AGO1: variants seen among roughly 807,000 people sequenced by gnomAD.
AGO1 encodes the protein argonaute RISC component 1.
A neutral mutation model predicts 109.2 loss-of-function variants in AGO1; 11 were observed. The observed-to-expected ratio is 0.10, with a 90% confidence interval of 0.06 to 0.17. AGO1 has a LOEUF of 0.17. Among genes scored for constraint, AGO1 ranks in the 10% least tolerant of loss-of-function variants. AGO1 has a pLI of 1.00. For missense variants in AGO1, 574 were observed against 1,140.3 expected (o/e 0.50, Z 7.15); for synonymous variants, 422 against 418.6 (o/e 1.01, Z -0.10).
At chr1:35,882,229 G>C (rs1645044390), upstream of AGO1, among the ~76,000 whole-genome samples, 1 of 152,194 alleles carries the variant, frequency 6.6e-6, no homozygotes, top group Non-Finnish European at 1.5e-5. The surrounding 1 kb of genome is among the most constrained non-coding windows in gnomAD (Gnocchi z 5.1). Context: ...ACTTGGAAAT[G>C]TGAGTATGAG....
intron 1 of AGO1, among the ~76,000 whole-genome samples, chr1:35,872,713 A>G (rs1027454301): frequency 9.9e-5 from 15 of 151,980 alleles, no homozygotes; most frequent in African/African-American, 2.9e-4. Context: ...CTAGGACTAC[A>G]GTGATGTACC....
intron 1 of AGO1, among the ~76,000 whole-genome samples, chr1:35,886,638 G>A (rs907594062): frequency 2.0e-5 from 3 of 152,128 alleles, no homozygotes; most frequent in Admixed American, 2.0e-4. Flanking sequence ...ATAAGAACTT[G>A]GGGAGGGAAA....
chr1:35,913,856 G>A lies in AGO1; in HGVS notation c.1597G>A (p.Val533Ile), dbSNP rs1645686189. The A allele has an allele frequency of 6.2e-7, 1 of 1,613,808 alleles. No individual in the cohort carries two copies. The highest frequency in any genetic ancestry group is 1.3e-5 in the African/African-American group (1 of 74,818). Residue 533 changes from valine to isoleucine, a missense_variant, in exon 13 of 19, where the codon GTC (valine) becomes ATC (isoleucine). Transcript: ENST00000373204. The stretch of plus-strand genomic sequence containing the variant: ...CCTGCCCTTAGCTGAGGTGAAACGT[G>A]TCGGAGATACACTCTTGGGAATGGC... Reference protein sequence around the residue: ...KTPVYAEVKRVGDTLLGMATQ... With the variant: ...KTPVYAEVKRIGDTLLGMATQ...
chr1:35,924,617 G>A lies in AGO1; in HGVS notation c.*5010G>A, dbSNP rs527401943. The A allele has an allele frequency of 1.3e-5, 2 of 152,152 alleles. No individual in the cohort carries two copies. Among genetic ancestry groups the A allele is most frequent in the African/African-American group, 4.8e-5 (2 of 41,418 alleles). The allele number at this position is 152,152 out of a possible 1,614,324, so 9.4% of individuals were successfully genotyped here. The stretch of plus-strand genomic sequence containing the variant: ...GGGAGTGGAATAAGGCTACAACAAC[G>A]AATATAGGGAGGAAGGGACAGATTT... On this transcript the variant is annotated 3_prime_UTR_variant, in exon 19 of 19. Transcript: ENST00000373204.
intron 8 of AGO1, among the ~76,000 whole-genome samples, chr1:35,899,364 T>C (rs577010816): frequency 1.3e-5 from 2 of 152,352 alleles, no homozygotes; most frequent in South Asian, 2.1e-4. Context: ...TGTAAAAATA[T>C]TTGTTGAAGT....
intron 8 of AGO1, among the ~76,000 whole-genome samples, chr1:35,900,625 G>A (rs768700130): frequency 6.6e-6 from 1 of 152,176 alleles, no homozygotes; most frequent in African/African-American, 2.4e-5. Context: ...TACTTGGAAC[G>A]CTGAGGCAGG....
intron 2 of AGO1, among the ~76,000 whole-genome samples, chr1:35,889,350 C>T (rs1645176140): frequency 1.3e-5 from 2 of 151,612 alleles, no homozygotes; most frequent in Non-Finnish European, 2.9e-5. Flanking sequence ...ACTGGGATTA[C>T]AGGCATCTGC....
At chr1:35,915,877 T>G (rs940911888) in intron 15 of AGO1, among the ~76,000 whole-genome samples, 2 of 152,254 alleles carry the variant, frequency 1.3e-5, no homozygotes, top group African/African-American at 4.8e-5. Context: ...CCCTTAGAGT[T>G]TCTGATTCAG....
chr1:35,902,484 A>G (rs1645435592), intron 11 of AGO1, 147 bp downstream of exon 11: 3 of 1,127,766 alleles, frequency 2.7e-6, no homozygotes, highest in Non-Finnish European at 3.5e-6. Flanking sequence ...AACTTCTACC[A>G]ATTCTTTTTC....
In AGO1 at chr1:35,915,408, C is replaced by T. The variant is rs1177037855; in HGVS notation, c.1894C>T (p.Pro632Ser). 1 of 1,613,990 alleles carries T rather than the reference C, an allele frequency of 6.2e-7. No individual in the cohort carries two copies. ...CTGTGCTACTGTGCGGGTACAGCGA[C>T]CACGGCAAGAGATCATTGAAGACTT... ...RYCATVRVQR[P>S]RQEIIEDLSY... Residue 632 changes from proline (P) to serine (S), a missense_variant, in exon 15 of 19, where the codon CCA (proline) becomes TCA (serine). Around this residue, in one of 8 missense-constraint regions of AGO1, gnomAD observed 68 missense variants for 200.2 expected, o/e 0.34. Coordinates refer to ENST00000373204, the MANE Select transcript of AGO1 (RefSeq NM_012199.5).
At chr1:35,889,917 G>C (rs1254858942) in intron 2 of AGO1, among the ~76,000 whole-genome samples, 1 of 152,074 alleles carries the variant, frequency 6.6e-6, no homozygotes. Flanking sequence ...GTTTCACCAT[G>C]TTGACCAGGC....
At chr1:35,890,523 T>C (rs984609359) in intron 2 of AGO1, among the ~76,000 whole-genome samples, 1 of 152,218 alleles carries the variant, frequency 6.6e-6, no homozygotes, top group Non-Finnish European at 1.5e-5. Flanking sequence ...TTTGCATAGG[T>C]TGAGTGGCTG....
chr1:35,878,431 T>C (rs954724689), upstream of AGO1, among the ~76,000 whole-genome samples: 3 of 152,260 alleles, frequency 2.0e-5, no homozygotes, highest in African/African-American at 7.2e-5. Context: ...TAAAATTACA[T>C]ATTTAGCTCA....
At position 35,919,008 on chromosome 1, in the gene AGO1, C is replaced by T. The variant is rs1334277619; in HGVS notation, c.2266-47C>T. ...GTGATCCTGTTCCCCTATTATCAGC[C>T]ATCTTCTCTGCCCAGCCTGGGACCC... On this transcript the variant is annotated intron_variant, in intron 17 of 18. Coordinates refer to ENST00000373204, the MANE Select transcript of AGO1 (RefSeq NM_012199.5). This position sits in a 1 kb window ranked among gnomAD's most constrained non-coding sequence, Gnocchi z 6.6. 1 of 1,545,002 alleles carries T rather than the reference C, an allele frequency of 6.5e-7. No individual in the cohort carries two copies. The highest frequency in any genetic ancestry group is 1.4e-5 in the African/African-American group (1 of 73,652).
At chr1:35,902,998 TC>T (rs139885079) in intron 11 of AGO1, among the ~76,000 whole-genome samples, 1 of 145,056 alleles carries the variant, frequency 6.9e-6, no homozygotes, top group African/African-American at 2.6e-5. Context: ...TCACCTGGAG[TC>T]TTTTTTTTTT....
chr1:35,922,705 C>G lies in AGO1; in HGVS notation c.*3098C>G, dbSNP rs1224797571. The G allele has an allele frequency of 6.6e-6, 1 of 152,428 alleles. No homozygotes were observed. Among genetic ancestry groups the G allele is most frequent in the Non-Finnish European group, 1.5e-5 (1 of 68,236 alleles). The allele number at this position is 152,428 out of a possible 1,614,324, so 9.4% of individuals were successfully genotyped here. A position where few individuals can be genotyped will look rare whatever the true frequency, so the allele number is the denominator to read the frequency against. ...TTAGCTGGCAGGGTCAGGCTTAGCTCCTTGACTGCAGAAGACCAAGAACCT... is the reference window on the plus strand; with the variant it reads ...TTAGCTGGCAGGGTCAGGCTTAGCTGCTTGACTGCAGAAGACCAAGAACCT... On this transcript the variant is annotated 3_prime_UTR_variant, in exon 19 of 19. Transcript: ENST00000373204.
chr1:35,899,294 T>A (rs1448342684), intron 8 of AGO1, among the ~76,000 whole-genome samples: 1 of 152,250 alleles, frequency 6.6e-6, no homozygotes, highest in Admixed American at 6.5e-5. Flanking sequence ...CATCTATCCA[T>A]GGATACTTGG....
In AGO1 at chr1:35,917,449, T is replaced by C. The variant is rs1645753792; in HGVS notation, c.2029-144T>C. 4.3e-6 allele frequency: 4 copies of C among 924,250 alleles called. 1 individual carries two copies. The South Asian group carries it at 8.6e-5, about 20-fold the overall frequency. 57.3% of individuals were successfully genotyped at this position (924,250 alleles called of 1,614,324 possible). A position where few individuals can be genotyped will look rare whatever the true frequency, so the allele number is the denominator to read the frequency against. On this transcript the variant is annotated intron_variant, in intron 15 of 18. Coordinates refer to ENST00000373204, the MANE Select transcript of AGO1 (RefSeq NM_012199.5). ...TGCTTTTGACAAGAAGGGCCTGTCATCTCTAATTGTTGAGCATCAGCATAT... is the reference window on the plus strand; with the variant it reads ...TGCTTTTGACAAGAAGGGCCTGTCACCTCTAATTGTTGAGCATCAGCATAT...
At chr1:35,884,138 G>T (rs1358185726) in intron 1 of AGO1, among the ~76,000 whole-genome samples, 2 of 151,886 alleles carry the variant, frequency 1.3e-5, no homozygotes, top group East Asian at 1.9e-4. Context: ...GCGCTGATGG[G>T]GTGCATTCTC....
Sources: gnomAD v4.1 joint callset for allele counts (sites outside exome capture counted in the v4.1 genomes callset) on GRCh38, gnomAD v4.1.1 for gene constraint, gnomAD v4.1.1 regional missense constraint, Gnocchi (gnomAD v3.1) non-coding constraint, MANE v1.5 for transcripts, NCBI Gene and HGNC (gene_info 2026-07-23, HGNC 2026-07-21) for gene names.